The following FAF1 variants were observed in gnomAD, a reference collection of about 807,000 sequenced individuals.
The protein encoded by FAF1 is Fas associated factor 1, also known as FAS-associated factor 1.
A neutral mutation model predicts 92.5 loss-of-function variants in FAF1; 25 were observed. The ratio of observed to expected loss-of-function variants is 0.27; its 90% CI spans 0.20 to 0.38. The LOEUF is 0.38. Among genes scored for constraint, FAF1 ranks in the 10% least tolerant of loss-of-function variants. FAF1 has a pLI of 1.00. For synonymous variants in FAF1, 234 were observed against 273.2 expected (o/e 0.86, Z 1.42); for missense variants, 636 against 793.3 (o/e 0.80, Z 2.38).
intron 13 of FAF1, among the ~76,000 whole-genome samples, chr1:50,541,833 A>G (rs576126942): frequency 6.6e-6 from 1 of 152,212 alleles, no homozygotes; most frequent in African/African-American, 2.4e-5. Flanking sequence ...CCATCTCAAC[A>G]TAATTTTGCC....
At chr1:50,450,464 T>A (rs768470391) in intron 18 of FAF1, among the ~76,000 whole-genome samples, 5 of 152,190 alleles carry the variant, frequency 3.3e-5, no homozygotes, top group Admixed American at 2.0e-4. Context: ...CCTCTCAACT[T>A]CTGACCTACT....
chr1:50,892,970 A>G (rs1644731423), intron 1 of FAF1, among the ~76,000 whole-genome samples: 1 of 152,184 alleles, frequency 6.6e-6, no homozygotes, highest in Non-Finnish European at 1.5e-5. Context: ...CAATTCTGCT[A>G]CTAAAAGACT....
chr1:50,744,999 AAAGCTAGGCTG>A (rs1659532229), intron 4 of FAF1, among the ~76,000 whole-genome samples: 1 of 152,230 alleles, frequency 6.6e-6, no homozygotes. Flanking sequence ...ACTAAAAAAT[AAAGCTAGGCTG>A]GGTGTGGTTG....
chr1:50,663,942 G>C (rs932110892), intron 7 of FAF1, among the ~76,000 whole-genome samples: 1 of 150,894 alleles, frequency 6.6e-6, no homozygotes, highest in Non-Finnish European at 1.5e-5. Context: ...CTTTACTACA[G>C]ACTTCATTGC....
intron 7 of FAF1, among the ~76,000 whole-genome samples, chr1:50,703,775 G>A (rs746478346): frequency 1.3e-5 from 2 of 152,016 alleles, no homozygotes; most frequent in Non-Finnish European, 2.9e-5. Flanking sequence ...AGCAGGCCAC[G>A]GAGAACAGTT....
At chr1:50,825,469 G>A (rs1247989145) in intron 2 of FAF1, among the ~76,000 whole-genome samples, 1 of 151,508 alleles carries the variant, frequency 6.6e-6, no homozygotes, top group Non-Finnish European at 1.5e-5. Flanking sequence ...ATGATAAAAG[G>A]GTCACTCTAC....
At chr1:50,735,022 C>A (rs957310752) in intron 6 of FAF1, among the ~76,000 whole-genome samples, 1 of 152,020 alleles carries the variant, frequency 6.6e-6, no homozygotes, top group Non-Finnish European at 1.5e-5. Flanking sequence ...CTGGGTGAAG[C>A]AATCAAAAAG....
intron 1 of FAF1, among the ~76,000 whole-genome samples, chr1:50,951,085 T>C (rs374374807): frequency 6.6e-6 from 1 of 152,172 alleles, no homozygotes; most frequent in South Asian, 2.1e-4. Context: ...ATTTAAAAAG[T>C]TAGCTGGATG....
intron 1 of FAF1, among the ~76,000 whole-genome samples, chr1:50,865,079 A>G (rs1342634967): frequency 6.6e-6 from 1 of 152,230 alleles, no homozygotes; most frequent in Non-Finnish European, 1.5e-5. Context: ...CAAAAAACAC[A>G]TGAAAAAATC....
At position 50,947,808 on chromosome 1, in the gene FAF1, A is replaced by C. The variant is rs182002772; in HGVS notation, c.45+11959T>G. On this transcript the variant is annotated intron_variant, in intron 1 of 18. Coordinates refer to ENST00000396153, the MANE Select transcript of FAF1 (RefSeq NM_007051.3). ...GTCAAATCTTTATTTTCTCAATGAC[A>C]GATTTTATTATTCAAAATCATGTCA... Among the ~76,000 whole-genome samples the C allele has an allele frequency of 2.8e-4, 43 of 152,354 alleles. 1 individual carries two copies. The highest frequency in any genetic ancestry group is 5.0e-4 in the Non-Finnish European group (34 of 68,030).
At chr1:50,510,649 T>C (rs1030614798) in intron 15 of FAF1, among the ~76,000 whole-genome samples, 1 of 152,166 alleles carries the variant, frequency 6.6e-6, no homozygotes, top group East Asian at 1.9e-4. Context: ...ATGCACCAGA[T>C]GGAATTCAGA....
chr1:50,775,933 A>AT lies in FAF1; in HGVS notation c.367+12066dup, dbSNP rs35098559. ...GAAAACAGAGAAAGTATATAACATG[A>AT]TTCTCTGCCTGCCATAATACTCATA... On this transcript the variant is annotated intron_variant, in intron 4 of 18. Transcript: ENST00000396153. Among the ~76,000 whole-genome samples, 5 of 152,256 alleles carry AT rather than the reference A, an allele frequency of 3.3e-5. No individual in the cohort carries two copies. The East Asian group carries it at 9.6e-4, about 29-fold the overall frequency.
At chr1:50,457,172 A>T (rs1557952322) in intron 18 of FAF1, among the ~76,000 whole-genome samples, 3 of 152,004 alleles carry the variant, frequency 2.0e-5, no homozygotes, top group African/African-American at 7.2e-5. Context: ...AAAAATGGAA[A>T]TAGCAAAAGA....
chr1:50,654,447 G>A (rs1371850204), intron 8 of FAF1, among the ~76,000 whole-genome samples: 2 of 152,002 alleles, frequency 1.3e-5, no homozygotes, highest in East Asian at 1.9e-4. Flanking sequence ...AATTTCAGAT[G>A]GCCTCCTTAT....
chr1:50,697,478 T>C (rs1657283325), intron 7 of FAF1, among the ~76,000 whole-genome samples: 1 of 152,142 alleles, frequency 6.6e-6, no homozygotes, highest in African/African-American at 2.4e-5. Context: ...TTCTGATTGA[T>C]CCTATGTCTG....
intron 13 of FAF1, among the ~76,000 whole-genome samples, chr1:50,541,630 G>A (rs1350222863): frequency 6.6e-6 from 1 of 152,062 alleles, no homozygotes; most frequent in Non-Finnish European, 1.5e-5. Flanking sequence ...AGTCCTTGTT[G>A]CTTTCACACC....
intron 1 of FAF1, among the ~76,000 whole-genome samples, chr1:50,957,979 C>A (rs1645282975): frequency 6.6e-6 from 1 of 151,912 alleles, no homozygotes. Context: ...AGAACAAAAA[C>A]AAAACAAAAA....
intron 1 of FAF1, among the ~76,000 whole-genome samples, chr1:50,874,171 T>C (rs938991865): frequency 2.0e-5 from 3 of 152,204 alleles, no homozygotes; most frequent in Non-Finnish European, 4.4e-5. Context: ...TTGTTGTTAA[T>C]ACTTTATTCT....
At chr1:50,886,185 C>T (rs1327052596) in intron 1 of FAF1, among the ~76,000 whole-genome samples, 2 of 151,998 alleles carry the variant, frequency 1.3e-5, no homozygotes, top group Admixed American at 1.3e-4. Context: ...TTTATTTTAC[C>T]CTCAAGTGAT....
Sources: gnomAD v4.1 joint callset for allele counts (sites outside exome capture counted in the v4.1 genomes callset) on GRCh38, gnomAD v4.1.1 for gene constraint, MANE v1.5 for transcripts, NCBI Gene and HGNC (gene_info 2026-07-23, HGNC 2026-07-21) for gene names.